Variants in SELENOI observed in about 807,000 individuals in gnomAD.
The protein encoded by SELENOI is ethanolaminephosphotransferase 1.
In SELENOI, 24 loss-of-function variants were observed where a neutral mutation model predicts 50.7. The observed-to-expected ratio is 0.47, with a 90% CI of 0.34 to 0.67. SELENOI has a LOEUF of 0.67. SELENOI is among the 30% of genes least tolerant of loss of function. The pLI is 0.01. For missense variants in SELENOI, 352 were observed against 461.4 expected (o/e 0.76, Z 2.17); for synonymous variants, 155 against 170.2 (o/e 0.91, Z 0.70).
intron 6 of SELENOI, 117 bp from the exon 7 acceptor site, chr2:26,383,182 C>G (rs761635250): frequency 6.8e-6 from 4 of 589,392 alleles, no homozygotes; most frequent in Non-Finnish European, 1.2e-5. Flanking sequence ...TTTTATTACA[C>G]AAGTAAACTT....
At chr2:26,356,425 T>C (rs938050769) in intron 1 of SELENOI, among the ~76,000 whole-genome samples, 3 of 152,206 alleles carry the variant, frequency 2.0e-5, no homozygotes, top group Non-Finnish European at 4.4e-5. Flanking sequence ...AGTTTTCTTA[T>C]TGGTACATAG....
In SELENOI at chr2:26,395,766, T is replaced by G. The variant is rs1678077665; in HGVS notation, c.*6663T>G. On this transcript the variant is annotated 3_prime_UTR_variant, in exon 10 of 10. Transcript: ENST00000260585. ...GCCCTTTCAACTGGATTTATGTTTG[T>G]TTCTGCTGCTGTGAAACCCCAAAGT... 6.5e-6 allele frequency: 1 copy of G among 152,674 alleles called. No individual in the cohort carries two copies. The highest frequency in any genetic ancestry group is 6.5e-5 in the Admixed American group (1 of 15,288). 9.5% of individuals were successfully genotyped at this position (152,674 alleles called of 1,614,324 possible).
intron 6 of SELENOI, among the ~76,000 whole-genome samples, chr2:26,377,193 A>G (rs1033266517): frequency 4.6e-5 from 7 of 152,028 alleles, no homozygotes; most frequent in Non-Finnish European, 7.4e-5. Flanking sequence ...GTAATTTTCT[A>G]TGGCTTTATT....
chr2:26,391,469 A>G lies in SELENOI; in HGVS notation c.*2366A>G, dbSNP rs1677966600. 1 of 152,230 alleles carries G rather than the reference A, an allele frequency of 6.6e-6. No homozygotes were observed. The highest frequency in any genetic ancestry group is 1.5e-5 in the Non-Finnish European group (1 of 68,046). The allele number at this position is 152,230 out of a possible 1,614,324, so 9.4% of individuals were successfully genotyped here. A position where few individuals can be genotyped will look rare whatever the true frequency, so the allele number is the denominator to read the frequency against. On this transcript the variant is annotated 3_prime_UTR_variant, in exon 10 of 10. Coordinates refer to ENST00000260585, the MANE Select transcript of SELENOI (RefSeq NM_033505.4). ...CATTTATGTCATGCCAATTACTATA[A>G]CATTTCCAAAGTATGAAAGGTCTTT...
intron 3 of SELENOI, among the ~76,000 whole-genome samples, chr2:26,366,901 AC>A (rs2147951298): frequency 6.6e-6 from 1 of 152,334 alleles, no homozygotes; most frequent in African/African-American, 2.4e-5. Flanking sequence ...GTAAAGGTGA[AC>A]ACTCAGTCTT....
At position 26,373,600 on chromosome 2, in the gene SELENOI, C is replaced by T; in HGVS notation, c.544C>T (p.Leu182=). ...AAAGTATAACACAGGGATTCTTTTC[C>T]TGCCATGGGGATATGACATTAGCCA... ...WEKYNTGILF[L]PWGYDISQVT... is the part of the protein sequence containing the mutation. The change falls in exon 5 of 10, where the codon CTG becomes TTG. Residue 182 remains leucine, a synonymous_variant. Coordinates refer to ENST00000260585, the MANE Select transcript of SELENOI (RefSeq NM_033505.4). 1 of 1,613,922 alleles carries T rather than the reference C, an allele frequency of 6.2e-7. No individual in the cohort carries two copies. The highest frequency in any genetic ancestry group is 1.3e-5 in the African/African-American group (1 of 75,024).
intron 8 of SELENOI, among the ~76,000 whole-genome samples, chr2:26,385,393 C>T (rs1677817278): frequency 6.6e-6 from 1 of 152,034 alleles, no homozygotes; most frequent in South Asian, 2.1e-4. Context: ...ATTTTGGTTG[C>T]CCGCTGAAGA....
chr2:26,389,222 C>A lies in SELENOI; in HGVS notation c.*119C>A. 1 of 756,102 alleles carries A rather than the reference C, an allele frequency of 1.3e-6. No homozygotes were observed. Among genetic ancestry groups the A allele is most frequent in the Non-Finnish European group, 2.2e-6 (1 of 458,366 alleles). 46.8% of individuals were successfully genotyped at this position (756,102 alleles called of 1,614,324 possible). ...GTGGGATCTCAGTATGGTACTTGGA[C>A]AGCAGGAATGATACATATAATCTGA... On this transcript the variant is annotated 3_prime_UTR_variant, in exon 10 of 10. Transcript: ENST00000260585.
intron 3 of SELENOI, 139 bp downstream of exon 3, chr2:26,365,079 T>C: frequency 1.7e-6 from 1 of 573,008 alleles, no homozygotes; most frequent in Non-Finnish European, 2.9e-6. Flanking sequence ...CCTATTGAAT[T>C]AGATATGTTG....
chr2:26,387,745 C>T (rs1342823157), intron 9 of SELENOI, among the ~76,000 whole-genome samples: 1 of 149,824 alleles, frequency 6.7e-6, no homozygotes, highest in Non-Finnish European at 1.5e-5. Flanking sequence ...TTGGCATAAA[C>T]AATCTCGAAT....
At chr2:26,377,405 GGATT>G (rs1677590450) in intron 6 of SELENOI, among the ~76,000 whole-genome samples, 1 of 152,076 alleles carries the variant, frequency 6.6e-6, no homozygotes, top group South Asian at 2.1e-4. Context: ...TGAGGTGGGA[GGATT>G]GCTTGAGGCC....
chr2:26,354,775 C>A (rs1381382490), intron 1 of SELENOI, among the ~76,000 whole-genome samples: 1 of 152,060 alleles, frequency 6.6e-6, no homozygotes, highest in Non-Finnish European at 1.5e-5. Flanking sequence ...ATCTAATGTA[C>A]GCAGATGGGG....
At chr2:26,355,888 AC>A (rs1558411552) in intron 1 of SELENOI, among the ~76,000 whole-genome samples, 1 of 151,394 alleles carries the variant, frequency 6.6e-6, no homozygotes, top group East Asian at 2.0e-4. Context: ...CTACAGTCAT[AC>A]GCCACCACAC....
At chr2:26,361,334 G>GTATA (rs1677173460) in intron 1 of SELENOI, among the ~76,000 whole-genome samples, 1 of 152,222 alleles carries the variant, frequency 6.6e-6, no homozygotes, top group Admixed American at 6.5e-5. Flanking sequence ...AGGGGCGACT[G>GTATA]TATATACTAT....
At chr2:26,374,797 A>T (rs1677531643) in intron 5 of SELENOI, among the ~76,000 whole-genome samples, 1 of 151,850 alleles carries the variant, frequency 6.6e-6, no homozygotes, top group South Asian at 2.1e-4. Context: ...GGAACTCCTG[A>T]CACCTCAGGT....
chr2:26,349,004 T>G (rs1302717737), intron 1 of SELENOI, among the ~76,000 whole-genome samples: 12 of 39,528 alleles, frequency 3.0e-4, no homozygotes, highest in Non-Finnish European at 6.3e-4. Flanking sequence ...GGCTTTTTTT[T>G]TTTTTTTTTT....
chr2:26,357,691 G>A (rs1322431044), intron 1 of SELENOI, among the ~76,000 whole-genome samples: 4 of 152,066 alleles, frequency 2.6e-5, no homozygotes, highest in Non-Finnish European at 5.9e-5. Flanking sequence ...CTGTCCCCTT[G>A]TCCTCTTCTT....
chr2:26,382,241 G>C (rs1034628686), intron 6 of SELENOI, among the ~76,000 whole-genome samples: 2 of 152,220 alleles, frequency 1.3e-5, no homozygotes, highest in Non-Finnish European at 2.9e-5. Flanking sequence ...CTGAGAGAGA[G>C]AGAGTATAAG....
intron 1 of SELENOI, among the ~76,000 whole-genome samples, chr2:26,360,776 G>A (rs1466511049): frequency 6.6e-6 from 1 of 151,708 alleles, no homozygotes; most frequent in Non-Finnish European, 1.5e-5. Context: ...CTCCTATCTT[G>A]TCATTGGCAG....
Sources: allele counts gnomAD v4.1 joint callset (sites outside exome capture counted in the v4.1 genomes callset), GRCh38; gene constraint gnomAD v4.1.1; transcripts MANE v1.5; gene names NCBI Gene and HGNC (gene_info 2026-07-23, HGNC 2026-07-21).